COL5A1: variants seen among roughly 807,000 people sequenced by gnomAD.
COL5A1 encodes collagen type V alpha 1 chain, also known as collagen alpha-1(V) chain.
Under a neutral mutation model 263.7 loss-of-function variants are expected in COL5A1, and 16 were observed. That is an observed-to-expected ratio of 0.06 (90% CI 0.04 to 0.09). The LOEUF (loss-of-function observed/expected upper bound fraction) is 0.09, where lower values mean the gene tolerates loss of function less well. COL5A1 is among the 10% of genes least tolerant of loss of function. The pLI, the probability that COL5A1 is intolerant of heterozygous loss-of-function variation, is 1.00. For synonymous variants in COL5A1, 1,012 were observed against 1,004.5 expected, an observed-to-expected ratio of 1.01 and a Z score of -0.14; for missense variants, 2,036 against 2,540.5, an observed-to-expected ratio of 0.80 and a Z score of 4.27.
At chr9:134,690,426 A>G (rs1833237436) in intron 1 of COL5A1, among the ~76,000 whole-genome samples, 1 of 152,212 alleles carries the variant, frequency 6.6e-6, no homozygotes, top group African/African-American at 2.4e-5. Flanking sequence ...CTCCTGTGTC[A>G]TTGCACAGCA....
At chr9:134,811,235 G>T in intron 44 of COL5A1, 104 bp from the exon 45 acceptor site, 1 of 990,690 alleles carries the variant, frequency 1.0e-6, no homozygotes, top group Admixed American at 1.7e-5. Context: ...CTGAACTGAC[G>T]ACGTTGGATG....
In COL5A1 at chr9:134,652,632, C is replaced by T. The variant is rs1462678927; in HGVS notation, c.109+10336C>T. 2.1e-6 allele frequency: 1 copy of T among 468,698 alleles called. No homozygotes were observed. Among genetic ancestry groups the T allele is most frequent in the African/African-American group, 2.0e-5 (1 of 50,034 alleles). The allele number at this position is 468,698 out of a possible 1,614,324, so 29.0% of individuals were successfully genotyped here. ...CCACAGTGCACGGGACAGCCCCCAC[C>T]AAAAAGACTGACCCAGCCCGGAGGC... On this transcript the variant is annotated intron_variant, in intron 1 of 65. Coordinates refer to ENST00000371817, the MANE Select transcript of COL5A1 (RefSeq NM_000093.5). This position sits in a 1 kb window ranked among gnomAD's most constrained non-coding sequence, Gnocchi z 4.4.
chr9:134,800,549 A>T (rs963184774), intron 37 of COL5A1, among the ~76,000 whole-genome samples: 1 of 152,174 alleles, frequency 6.6e-6, no homozygotes, highest in Admixed American at 6.5e-5. Flanking sequence ...GTTTGAGACC[A>T]GCCCGGCCAA....
chr9:134,754,338 G>A lies in COL5A1; in HGVS notation c.1827+12G>A, dbSNP rs1251697175. 5 of 1,614,026 alleles carry A rather than the reference G, an allele frequency of 3.1e-6. No individual in the cohort carries two copies. Among genetic ancestry groups the A allele is most frequent in the Admixed American group, 1.7e-5 (1 of 60,032 alleles). ...AGCCCGGAAGACGGGTGAGTGGTGCGAGTGTGTGTGGTTTAGTGACAGCAG... is the reference window on the plus strand; with the variant it reads ...AGCCCGGAAGACGGGTGAGTGGTGCAAGTGTGTGTGGTTTAGTGACAGCAG... On this transcript the variant is annotated intron_variant, in intron 16 of 65. Coordinates refer to ENST00000371817, the MANE Select transcript of COL5A1 (RefSeq NM_000093.5). The surrounding 1 kb of genome is among the most constrained non-coding windows in gnomAD (Gnocchi z 4.3).
At position 134,758,423 on chromosome 9, in the gene COL5A1, G is replaced by C. The variant is rs56125517; in HGVS notation, c.1935+127G>C. The C allele has an allele frequency of 9.2e-3, 8,591 of 932,700 alleles. 500 individuals carry two copies. In the African/African-American group the frequency reaches 0.12, roughly 13 times the overall value. 57.8% of individuals were successfully genotyped at this position (932,700 alleles called of 1,614,324 possible). On this transcript the variant is annotated intron_variant, in intron 18 of 65. Transcript: ENST00000371817. This position sits in a 1 kb window ranked among gnomAD's most constrained non-coding sequence, Gnocchi z 4.1. ...CAGGTCTCCGCCATTCCAACAGTCA[G>C]TATACAAACCTCACGGGAGTCAGCA...
intron 37 of COL5A1, among the ~76,000 whole-genome samples, chr9:134,800,268 G>A (rs960874367): frequency 6.6e-6 from 1 of 150,880 alleles, no homozygotes; most frequent in African/African-American, 2.5e-5. Flanking sequence ...CTTAACCAAG[G>A]CTCCGATCTC....
At chr9:134,688,090 C>T (rs931553843) in intron 1 of COL5A1, among the ~76,000 whole-genome samples, 6 of 152,216 alleles carry the variant, frequency 3.9e-5, no homozygotes, top group Admixed American at 3.9e-4. Context: ...TTTTCCTCTG[C>T]TCTGGCACAG....
chr9:134,825,675 G>A lies in COL5A1; in HGVS notation c.4955-117G>A, dbSNP rs1414698994. The A allele has an allele frequency of 4.4e-6, 3 of 687,156 alleles. No individual in the cohort carries two copies. In the East Asian group the frequency reaches 8.9e-5, roughly 20 times the overall value. The allele number at this position is 687,156 out of a possible 1,614,324, so 42.6% of individuals were successfully genotyped here. The stretch of plus-strand genomic sequence containing the variant: ...AACCCCAGAAAGGCCCGTGTTGGCG[G>A]CATTCCTGGGGCGTGCATTTTAACT... On this transcript the variant is annotated intron_variant, in intron 62 of 65. Transcript: ENST00000371817.
chr9:134,642,020 C>G lies in COL5A1; in HGVS notation c.-168C>G. ...TGGGCGAGCGCGCCAGCCGCCCCTTCCAGAACAGCCGCCGCCACAAAGAAG... is the reference window on the plus strand; with the variant it reads ...TGGGCGAGCGCGCCAGCCGCCCCTTGCAGAACAGCCGCCGCCACAAAGAAG... On this transcript the variant is annotated 5_prime_UTR_variant, in exon 1 of 66. Coordinates refer to ENST00000371817, the MANE Select transcript of COL5A1 (RefSeq NM_000093.5). This position sits in a 1 kb window ranked among gnomAD's most constrained non-coding sequence, Gnocchi z 4.5. 1.7e-6 allele frequency: 1 copy of G among 595,426 alleles called. No homozygotes were observed. The highest frequency in any genetic ancestry group is 2.5e-6 in the Non-Finnish European group (1 of 407,278). The allele number at this position is 595,426 out of a possible 1,614,324, so 36.9% of individuals were successfully genotyped here. A position where few individuals can be genotyped will look rare whatever the true frequency, so the allele number is the denominator to read the frequency against.
chr9:134,822,012 A>G lies in COL5A1; in HGVS notation c.4555-85A>G. On this transcript the variant is annotated intron_variant, in intron 58 of 65. Coordinates refer to ENST00000371817, the MANE Select transcript of COL5A1 (RefSeq NM_000093.5). ...CCGTGGGGAAGGGACAGGGGAGCCG[A>G]GGGGTGTGGCTGGGTAGCAGGGTTG... is the stretch of plus-strand genomic sequence containing the variant. The G allele has an allele frequency of 6.7e-6, 8 of 1,193,798 alleles. No individual in the cohort carries two copies. The South Asian group carries it at 9.7e-5, about 14-fold the overall frequency. 74.0% of individuals were successfully genotyped at this position (1,193,798 alleles called of 1,614,324 possible). A position where few individuals can be genotyped will look rare whatever the true frequency, so the allele number is the denominator to read the frequency against.
intron 11 of COL5A1, among the ~76,000 whole-genome samples, chr9:134,739,508 G>A (rs1177094881): frequency 1.3e-5 from 2 of 152,256 alleles, no homozygotes; most frequent in Non-Finnish European, 2.9e-5. Context: ...CCTGCCTGCT[G>A]TCCGGGGCAG....
At chr9:134,774,772 G>A in intron 26 of COL5A1, 87 bp from the exon 27 acceptor site, 2 of 1,357,520 alleles carry the variant, frequency 1.5e-6, no homozygotes, top group East Asian at 4.8e-5. Flanking sequence ...CAGCAGGAGG[G>A]GTATGCCGAA....
At chr9:134,688,851 C>T (rs1833169431) in intron 1 of COL5A1, among the ~76,000 whole-genome samples, 1 of 152,216 alleles carries the variant, frequency 6.6e-6, no homozygotes, top group Non-Finnish European at 1.5e-5. Flanking sequence ...ACTGTGGAGC[C>T]TTCCAGAGAA....
At chr9:134,761,261 G>A (rs553846987) in intron 18 of COL5A1, among the ~76,000 whole-genome samples, 6 of 140,210 alleles carry the variant, frequency 4.3e-5, no homozygotes, top group East Asian at 4.3e-4. Flanking sequence ...ACCCACACAC[G>A]TGCACTCGCA....
chr9:134,661,907 C>T (rs577284317), intron 1 of COL5A1, among the ~76,000 whole-genome samples: 27 of 152,206 alleles, frequency 1.8e-4, no homozygotes, highest in Middle Eastern at 3.4e-3. Context: ...GATGCTAAGG[C>T]GAGTCCCAGG....
intron 1 of COL5A1, among the ~76,000 whole-genome samples, chr9:134,688,073 C>A (rs972741211): frequency 1.3e-5 from 2 of 152,222 alleles, no homozygotes; most frequent in Non-Finnish European, 2.9e-5. Flanking sequence ...TCAAAAAGTA[C>A]TTAATGTTTT....
chr9:134,691,028 A>G lies in COL5A1; in HGVS notation c.226A>G (p.Arg76Gly). 6.2e-7 allele frequency: 1 copy of G among 1,613,742 alleles called. No homozygotes were observed. Among genetic ancestry groups the G allele is most frequent in the Non-Finnish European group, 8.5e-7 (1 of 1,180,048 alleles). Residue 76 changes from arginine to glycine, a missense_variant, in exon 2 of 66, where the codon AGA becomes GGA. This residue lies in a region of COL5A1 where 600 missense variants were observed against 634.5 expected (regional missense o/e 0.95). Coordinates refer to ENST00000371817, the MANE Select transcript of COL5A1 (RefSeq NM_000093.5). ...TTCCAAAGGCCCGGATGTCGCTTAC[A>G]GAGTCACCAAAGACGCGCAGCTCAG... ...RSSKGPDVAYRVTKDAQLSAP... is the reference protein window; with the variant it reads ...RSSKGPDVAYGVTKDAQLSAP...
intron 1 of COL5A1, among the ~76,000 whole-genome samples, chr9:134,689,621 G>C (rs1262507146): frequency 6.6e-6 from 1 of 152,236 alleles, no homozygotes; most frequent in Non-Finnish European, 1.5e-5. Context: ...GGAGCCAGCA[G>C]AGCAGGGAGG....
rs1833077322 is a variant in COL5A1, at chr9:134,686,286, C to T, written c.110-4626C>T. 3.3e-5 allele frequency among the ~76,000 whole-genome samples: 5 copies of T among 151,988 alleles called. No homozygotes were observed. Among genetic ancestry groups the T allele is most frequent in the African/African-American group, 1.2e-4 (5 of 41,356 alleles). On this transcript the variant is annotated intron_variant, in intron 1 of 65. Transcript: ENST00000371817. The surrounding 1 kb of genome is among the most constrained non-coding windows in gnomAD (Gnocchi z 4.6). ...TCCTTTTTTTCGAGACCAGGTTATG[C>T]TCTGTCACCCAAGCTGGAGTGCAGT...
Sources: gnomAD v4.1 joint callset for allele counts (sites outside exome capture counted in the v4.1 genomes callset) on GRCh38, gnomAD v4.1.1 for gene constraint, gnomAD v4.1.1 regional missense constraint, Gnocchi (gnomAD v3.1) non-coding constraint, MANE v1.5 for transcripts, NCBI Gene and HGNC (gene_info 2026-07-23, HGNC 2026-07-21) for gene names.